BCL2L1: variants seen among roughly 807,000 people sequenced by gnomAD.
The protein encoded by BCL2L1 is bcl-2-like protein 1.
BCL2L1 carries 1 observed loss-of-function variant against 18.7 expected under a neutral mutation model. The observed-to-expected ratio is 0.05, with a 90% CI of 0.02 to 0.25. BCL2L1 has a LOEUF of 0.25. BCL2L1 is among the 10% of genes least tolerant of loss of function. The pLI, the probability that BCL2L1 is intolerant of heterozygous loss-of-function variation, is 1.00. For synonymous variants in BCL2L1, 103 were observed against 122.7 expected (o/e 0.84, Z 1.06); for missense variants, 207 against 304.9 (o/e 0.68, Z 2.39).
chr20:31,680,625 T>C (rs558021179), intron 2 of BCL2L1, among the ~76,000 whole-genome samples: 4 of 152,314 alleles, frequency 2.6e-5, no homozygotes, highest in South Asian at 2.1e-4. Flanking sequence ...TATGGAGTTG[T>C]AGGAAGGCCC....
intron 2 of BCL2L1, among the ~76,000 whole-genome samples, chr20:31,689,677 G>A (rs1289289949): frequency 7.8e-6 from 1 of 128,658 alleles, no homozygotes; most frequent in Non-Finnish European, 1.6e-5. Flanking sequence ...AGTAGATGGA[G>A]ACTAAATTGG....
intron 2 of BCL2L1, among the ~76,000 whole-genome samples, chr20:31,717,438 T>C (rs1405411955): frequency 1.3e-5 from 2 of 152,152 alleles, no homozygotes; most frequent in Non-Finnish European, 2.9e-5. Context: ...AAGGGCTCTG[T>C]GGGGCTACTG....
chr20:31,687,196 A>G (rs2060973368), intron 2 of BCL2L1, among the ~76,000 whole-genome samples: 1 of 152,176 alleles, frequency 6.6e-6, no homozygotes, highest in Admixed American at 6.6e-5. Context: ...TGTACCTTAC[A>G]GCATCTTGCA....
At chr20:31,689,020 AGGT>A (rs1400785221) in intron 2 of BCL2L1, among the ~76,000 whole-genome samples, 1 of 151,850 alleles carries the variant, frequency 6.6e-6, no homozygotes, top group Non-Finnish European at 1.5e-5. Flanking sequence ...ATCCATGATG[AGGT>A]TCCTCTATCC....
At chr20:31,691,919 A>C (rs1387917739) in intron 2 of BCL2L1, among the ~76,000 whole-genome samples, 1 of 152,250 alleles carries the variant, frequency 6.6e-6, no homozygotes, top group African/African-American at 2.4e-5. Flanking sequence ...AAAGAGGTAA[A>C]GTAATGGAAA....
chr20:31,718,819 C>A (rs1367084946), intron 2 of BCL2L1, among the ~76,000 whole-genome samples: 1 of 152,200 alleles, frequency 6.6e-6, no homozygotes, highest in Non-Finnish European at 1.5e-5. Context: ...CCATAGCTAC[C>A]TGAACAAAGC....
At chr20:31,667,843 T>C (rs1228622763) in intron 2 of BCL2L1, among the ~76,000 whole-genome samples, 4 of 152,154 alleles carry the variant, frequency 2.6e-5, no homozygotes, top group East Asian at 1.9e-4. Flanking sequence ...CCATGTGCAC[T>C]GAGCTGCTAA....
At chr20:31,692,105 G>A (rs6058391) in intron 2 of BCL2L1, among the ~76,000 whole-genome samples, 11,789 of 152,328 alleles carry the variant, frequency 0.077, 468 homozygotes, top group Middle Eastern at 0.11. Context: ...TGCAAATTCT[G>A]AGGGCCCCAA....
chr20:31,690,296 G>A (rs2061041292), intron 2 of BCL2L1, among the ~76,000 whole-genome samples: 1 of 151,630 alleles, frequency 6.6e-6, no homozygotes, highest in South Asian at 2.1e-4. Context: ...TCACTATGTT[G>A]TCCAGGCTGG....
rs530171663 is a variant in BCL2L1 at position 31,683,717 on chromosome 20, C to T, written c.565-17631G>A. Among the ~76,000 whole-genome samples, 349 of 131,996 alleles carry T rather than the reference C, an allele frequency of 2.6e-3. 1 individual carries two copies. The highest frequency in any genetic ancestry group is 9.1e-3 in the African/African-American group (327 of 36,080). 86.6% of individuals were successfully genotyped at this position (131,996 alleles called of 152,430 possible). A position where few individuals can be genotyped will look rare whatever the true frequency, so the allele number is the denominator to read the frequency against. On this transcript the variant is annotated intron_variant, in intron 2 of 2. Coordinates refer to ENST00000307677, the MANE Select transcript of BCL2L1 (RefSeq NM_138578.3). ...CCGGGAGTCAGAGGTTGCAGTGAGC[C>T]GAGGCTGCGCCACTGCACTCCAGCC...
intron 2 of BCL2L1, among the ~76,000 whole-genome samples, chr20:31,666,530 A>C (rs1241597477): frequency 6.6e-6 from 1 of 152,018 alleles, no homozygotes. Context: ...GGTAGTGTGG[A>C]GTGTGGAGCC....
rs752292810 is a variant in BCL2L1, at chr20:31,722,191, C to A, written c.28G>T (p.Val10Phe). Residue 10 changes from valine to phenylalanine, a missense_variant, in exon 2 of 3, where the codon GTT (valine) becomes TTT (phenylalanine). Coordinates refer to ENST00000307677, the MANE Select transcript of BCL2L1 (RefSeq NM_138578.3). MSQSNRELVVDFLSYKLSQK... is the reference protein window; with the variant it reads MSQSNRELVFDFLSYKLSQK... ...GAAAGCTTGTAGGAGAGAAAGTCAA[C>A]CACCAGCTCCCGGTTGCTCTGAGAC... 6.7e-7 allele frequency: 1 copy of A among 1,497,930 alleles called. No individual in the cohort carries two copies. Among genetic ancestry groups the A allele is most frequent in the Non-Finnish European group, 8.8e-7 (1 of 1,130,670 alleles). 92.8% of individuals were successfully genotyped at this position (1,497,930 alleles called of 1,614,324 possible).
At chr20:31,723,845 T>C (rs1258208941), upstream of BCL2L1, 1 of 985,420 alleles carries the variant, frequency 1.0e-6, no homozygotes, top group Non-Finnish European at 1.2e-6. Flanking sequence ...CGGGCCGGCC[T>C]ACCTGGCTGC....
chr20:31,721,221 G>T lies in BCL2L1; in HGVS notation c.564+434C>A, dbSNP rs139492178. 1.4e-3 allele frequency among the ~76,000 whole-genome samples: 217 copies of T among 152,324 alleles called. 2 individuals are homozygous for T. The highest frequency in any genetic ancestry group is 2.0e-3 in the Non-Finnish European group (133 of 68,030). ...CCCAGGATAGGACTGAGACCCCTTG[G>T]GGGGAACAGATGGAGAGGTCTGTGG... On this transcript the variant is annotated intron_variant, in intron 2 of 2. Coordinates refer to ENST00000307677, the MANE Select transcript of BCL2L1 (RefSeq NM_138578.3).
intron 2 of BCL2L1, among the ~76,000 whole-genome samples, chr20:31,676,057 C>CA (rs996725575): frequency 2.6e-5 from 4 of 152,150 alleles, no homozygotes; most frequent in African/African-American, 9.7e-5. Flanking sequence ...AGAAAGCTAT[C>CA]AGGCCTAGCA....
rs753679722 is a variant in BCL2L1 at position 31,664,554 on chromosome 20, A to AG, written c.*1394dup. On this transcript the variant is annotated 3_prime_UTR_variant, in exon 3 of 3. Transcript: ENST00000307677. ...ACAAGTGTGGGGTGGGGGTTGGGGG[A>AG]GGGGCAGATGCCCCTCAGGAGCCAG... The AG allele has an allele frequency of 1.6e-3, 283 of 174,508 alleles. 3 individuals are homozygous for AG. The highest frequency in any genetic ancestry group is 7.7e-4 in the Non-Finnish European group (64 of 83,112). The allele number at this position is 174,508 out of a possible 1,614,324, so 10.8% of individuals were successfully genotyped here.
intron 2 of BCL2L1, among the ~76,000 whole-genome samples, chr20:31,701,179 G>A (rs1177568585): frequency 1.3e-5 from 2 of 152,010 alleles, no homozygotes; most frequent in East Asian, 3.9e-4. Context: ...TCAGCCTCCT[G>A]AGTAGCTGGG....
chr20:31,719,193 G>C (rs1364945732), intron 2 of BCL2L1, among the ~76,000 whole-genome samples: 1 of 152,202 alleles, frequency 6.6e-6, no homozygotes, highest in Non-Finnish European at 1.5e-5. Flanking sequence ...CTTCACAGTA[G>C]ATGCTCAAGA....
intron 2 of BCL2L1, chr20:31,713,369 A>G: frequency 1.0e-6 from 1 of 985,432 alleles, no homozygotes. Flanking sequence ...GAGGAAAGGC[A>G]GGGACACGTC....
Sources: allele counts gnomAD v4.1 joint callset (sites outside exome capture counted in the v4.1 genomes callset), GRCh38; gene constraint gnomAD v4.1.1; transcripts MANE v1.5; gene names NCBI Gene and HGNC (gene_info 2026-07-23, HGNC 2026-07-21).